SGCZ: variants seen among roughly 807,000 people sequenced by gnomAD.
SGCZ encodes sarcoglycan zeta, also known as zeta-sarcoglycan.
A neutral mutation model predicts 41.3 loss-of-function variants in SGCZ; 40 were observed. The observed-to-expected ratio is 0.97, with a 90% confidence interval of 0.75 to 1.26. The LOEUF (loss-of-function observed/expected upper bound fraction) is 1.26, where lower values mean the gene tolerates loss of function less well. Ranked by LOEUF, SGCZ falls within the 50% of genes most tolerant of loss-of-function variation. The pLI, the probability that SGCZ is intolerant of heterozygous loss-of-function variation, is 0.00. For synonymous variants in SGCZ, 206 were observed against 137.5 expected (o/e 1.50, Z -3.49); for missense variants, 552 against 369.8 (o/e 1.49, Z -4.04).
chr8:15,083,024 A>G (rs17120881), intron 1 of SGCZ, among the ~76,000 whole-genome samples: 1,968 of 151,658 alleles, frequency 0.013, 53 homozygotes, highest in African/African-American at 0.045. Flanking sequence ...TCTGCATGAA[A>G]ACAGGAATGC....
intron 1 of SGCZ, among the ~76,000 whole-genome samples, chr8:14,639,336 A>G (rs1012282117): frequency 2.0e-5 from 3 of 151,714 alleles, no homozygotes; most frequent in Admixed American, 6.6e-5. Flanking sequence ...GTCATTAAAA[A>G]TGACTTTTCC....
intron 3 of SGCZ, among the ~76,000 whole-genome samples, chr8:14,318,102 A>T (rs1324914627): frequency 1.3e-5 from 2 of 151,924 alleles, no homozygotes; most frequent in African/African-American, 4.8e-5. Flanking sequence ...TTGTATTTCA[A>T]TTCGGTAATA....
intron 5 of SGCZ, 21 bp from the exon 6 acceptor site, chr8:14,108,256 G>A (rs1399964329): frequency 6.2e-7 from 1 of 1,611,506 alleles, no homozygotes; most frequent in Non-Finnish European, 8.5e-7. Flanking sequence ...CATGAATATA[G>A]CAGTCAGTAT....
chr8:14,301,240 A>G (rs1321245161), intron 3 of SGCZ, among the ~76,000 whole-genome samples: 1 of 151,986 alleles, frequency 6.6e-6, no homozygotes, highest in African/African-American at 2.4e-5. Flanking sequence ...GTATTATTTA[A>G]GCTAAGAGTC....
chr8:14,386,315 A>C (rs557387173), intron 2 of SGCZ, among the ~76,000 whole-genome samples: 17 of 152,090 alleles, frequency 1.1e-4, no homozygotes, highest in Non-Finnish European at 1.9e-4. Flanking sequence ...AAAAAAAAAA[A>C]ACATTCTTAG....
At chr8:14,660,174 CT>C (rs1241620956) in intron 1 of SGCZ, among the ~76,000 whole-genome samples, 1 of 152,108 alleles carries the variant, frequency 6.6e-6, no homozygotes. Context: ...ATTGCATGTC[CT>C]TATATTCTGG....
At chr8:14,467,685 T>C (rs1563348783) in intron 2 of SGCZ, among the ~76,000 whole-genome samples, 1 of 152,102 alleles carries the variant, frequency 6.6e-6, no homozygotes, top group Non-Finnish European at 1.5e-5. Context: ...AATTATTCTC[T>C]AGTTCTGAAG....
intron 2 of SGCZ, among the ~76,000 whole-genome samples, chr8:14,524,699 G>T (rs1802887349): frequency 6.6e-6 from 1 of 151,980 alleles, no homozygotes; most frequent in Non-Finnish European, 1.5e-5. Flanking sequence ...ATTTACCTTT[G>T]AACAAACCTT....
intron 1 of SGCZ, among the ~76,000 whole-genome samples, chr8:14,608,020 GAAGT>G (rs1334306800): frequency 2.6e-5 from 4 of 152,194 alleles, no homozygotes; most frequent in Non-Finnish European, 4.4e-5. Flanking sequence ...TTCAGAATGA[GAAGT>G]AAGATTACAA....
intron 4 of SGCZ, among the ~76,000 whole-genome samples, chr8:14,212,898 C>G (rs961125728): frequency 2.6e-5 from 4 of 151,444 alleles, no homozygotes; most frequent in African/African-American, 4.9e-5. Context: ...ACTTATCAAA[C>G]TAAAAAAATA....
At chr8:14,830,156 A>G (rs1802477905) in intron 1 of SGCZ, among the ~76,000 whole-genome samples, 2 of 152,182 alleles carry the variant, frequency 1.3e-5, no homozygotes, top group African/African-American at 4.8e-5. Context: ...AGTTGTAAAA[A>G]TTGAATTAAA....
intron 1 of SGCZ, among the ~76,000 whole-genome samples, chr8:15,061,621 C>A (rs1282847977): frequency 2.0e-5 from 3 of 152,000 alleles, no homozygotes; most frequent in Non-Finnish European, 4.4e-5. Context: ...GTTGAGAACT[C>A]AGTGCTCTTT....
intron 1 of SGCZ, among the ~76,000 whole-genome samples, chr8:15,113,190 G>C (rs1467533517): frequency 7.1e-6 from 1 of 141,780 alleles, no homozygotes; most frequent in South Asian, 2.3e-4. Context: ...GCCTGGGCAA[G>C]AGAGCGAGAC....
intron 5 of SGCZ, among the ~76,000 whole-genome samples, chr8:14,161,611 T>G (rs1034966701): frequency 3.3e-5 from 5 of 152,212 alleles, no homozygotes; most frequent in Admixed American, 6.5e-5. Flanking sequence ...GGGTGTTTCT[T>G]TCATTCTAAG....
intron 1 of SGCZ, among the ~76,000 whole-genome samples, chr8:15,216,187 T>A (rs543637381): frequency 6.6e-6 from 1 of 151,960 alleles, no homozygotes; most frequent in African/African-American, 2.4e-5. Flanking sequence ...GAAAAAAGGA[T>A]GTTTTAAGTA....
chr8:14,748,706 G>C (rs941445540), intron 1 of SGCZ, among the ~76,000 whole-genome samples: 124 of 152,224 alleles, frequency 8.1e-4, no homozygotes, highest in African/African-American at 2.9e-3. Flanking sequence ...TAAGAAATGT[G>C]AACAAATTAA....
intron 4 of SGCZ, among the ~76,000 whole-genome samples, chr8:14,190,710 C>T (rs1250751233): frequency 6.6e-6 from 1 of 152,078 alleles, no homozygotes; most frequent in African/African-American, 2.4e-5. Flanking sequence ...TCACACCATT[C>T]TCCTGCCTCA....
intron 2 of SGCZ, among the ~76,000 whole-genome samples, chr8:14,441,760 T>A (rs571181768): frequency 1.3e-5 from 2 of 152,288 alleles, no homozygotes; most frequent in African/African-American, 2.4e-5. Context: ...AAACGGTACA[T>A]CATTTTGCTT....
chr8:14,397,100 G>A (rs7845705), intron 2 of SGCZ, among the ~76,000 whole-genome samples: 25,593 of 151,904 alleles, frequency 0.17, 5,084 homozygotes, highest in African/African-American at 0.48. Flanking sequence ...TTTAATACTG[G>A]TACTTACCAC....
Sources: allele counts gnomAD v4.1 joint callset (sites outside exome capture counted in the v4.1 genomes callset), GRCh38; gene constraint gnomAD v4.1.1; transcripts MANE v1.5; gene names NCBI Gene and HGNC (gene_info 2026-07-23, HGNC 2026-07-21).